Variants in GRIN2A observed in about 807,000 individuals in gnomAD.
GRIN2A encodes glutamate ionotropic receptor NMDA type subunit 2A.
In GRIN2A, 22 loss-of-function variants were observed where a neutral mutation model predicts 113.4. The observed-to-expected ratio is 0.19, with a 90% confidence interval of 0.14 to 0.28. GRIN2A has a LOEUF of 0.28. GRIN2A is among the 10% of genes least tolerant of loss of function. The probability of loss-of-function intolerance (pLI) is 1.00; values close to 1 mark genes in which losing one functional copy is unlikely to be tolerated. For synonymous variants in GRIN2A, 827 were observed against 738.4 expected (o/e 1.12, Z -1.94); for missense variants, 1,502 against 1,887.0 (o/e 0.80, Z 3.78).
At chr16:10,119,221 T>C (rs1350543250) in intron 2 of GRIN2A, among the ~76,000 whole-genome samples, 1 of 152,078 alleles carries the variant, frequency 6.6e-6, no homozygotes, top group Non-Finnish European at 1.5e-5. Context: ...CAGAATTCAG[T>C]AGGAGGAGGA....
intron 3 of GRIN2A, among the ~76,000 whole-genome samples, chr16:9,924,529 T>C (rs1030767212): frequency 2.6e-5 from 4 of 152,264 alleles, no homozygotes; most frequent in Non-Finnish European, 5.9e-5. Context: ...AATTTGATTA[T>C]GCTATGTCTT....
chr16:10,021,705 C>G (rs1178983994), intron 2 of GRIN2A, among the ~76,000 whole-genome samples: 1 of 151,962 alleles, frequency 6.6e-6, no homozygotes, highest in African/African-American at 2.4e-5. Flanking sequence ...AAAGCATATG[C>G]AAATGCCCCA....
intron 2 of GRIN2A, among the ~76,000 whole-genome samples, chr16:9,948,981 G>A (rs183067500): frequency 6.6e-6 from 1 of 152,222 alleles, no homozygotes; most frequent in Non-Finnish European, 1.5e-5. Flanking sequence ...ATTACCTGGA[G>A]GGGAGCTGGG....
rs16966429 is a variant in GRIN2A at position 9,828,288 on chromosome 16, A to G, written c.2007+1135T>C. Reference sequence around the variant, plus strand: ...TAAAGTGACCCTTACTCAAGCCTCAATCGGAAGCCATCAGAGAGAGGTGAG... The same window carrying G: ...TAAAGTGACCCTTACTCAAGCCTCAGTCGGAAGCCATCAGAGAGAGGTGAG... On this transcript the variant is annotated intron_variant, in intron 9 of 12. Coordinates refer to ENST00000330684, the MANE Select transcript of GRIN2A (RefSeq NM_001134407.3). Among the ~76,000 whole-genome samples, 428 of 152,334 alleles carry G rather than the reference A, an allele frequency of 2.8e-3. 4 individuals carry two copies. Among genetic ancestry groups the G allele is most frequent in the African/African-American group, 1.0e-2 (415 of 41,580 alleles).
At chr16:9,983,680 C>G (rs2045931123) in intron 2 of GRIN2A, among the ~76,000 whole-genome samples, 1 of 152,168 alleles carries the variant, frequency 6.6e-6, no homozygotes, top group Admixed American at 6.5e-5. Flanking sequence ...ACCTTGTGAT[C>G]CACCCGCCTT....
At chr16:10,024,283 GCAC>G (rs2046779707) in intron 2 of GRIN2A, among the ~76,000 whole-genome samples, 1 of 152,192 alleles carries the variant, frequency 6.6e-6, no homozygotes, top group Non-Finnish European at 1.5e-5. Flanking sequence ...GAGTGCAGTG[GCAC>G]CATCTTGGCT....
chr16:9,807,157 A>G (rs982434982), intron 10 of GRIN2A, among the ~76,000 whole-genome samples: 5 of 144,552 alleles, frequency 3.5e-5, no homozygotes, highest in African/African-American at 1.3e-4. Flanking sequence ...AGTATCGGGT[A>G]TGTCTTTATC....
chr16:10,111,633 G>C, intron 2 of GRIN2A: 1 of 1,493,502 alleles, frequency 6.7e-7, no homozygotes, highest in South Asian at 1.1e-5. Flanking sequence ...CGATGGCTCT[G>C]ATGGGAGGTA....
chr16:9,894,798 C>G (rs1352326919), intron 3 of GRIN2A, among the ~76,000 whole-genome samples: 1 of 152,178 alleles, frequency 6.6e-6, no homozygotes, highest in Admixed American at 6.5e-5. Context: ...AGATCATCAC[C>G]AAAGGGAAAT....
intron 10 of GRIN2A, among the ~76,000 whole-genome samples, chr16:9,800,245 G>A (rs1903279729): frequency 6.6e-6 from 1 of 152,136 alleles, no homozygotes; most frequent in Non-Finnish European, 1.5e-5. Context: ...AAAGTGCTGG[G>A]ATTACAGGTG....
chr16:9,994,256 G>T (rs2046180618), intron 2 of GRIN2A, among the ~76,000 whole-genome samples: 1 of 152,292 alleles, frequency 6.6e-6, no homozygotes, highest in Non-Finnish European at 1.5e-5. Flanking sequence ...AAGCCCATTT[G>T]TCAGTTCCTG....
intron 2 of GRIN2A, among the ~76,000 whole-genome samples, chr16:10,075,975 A>G (rs1317683559): frequency 6.6e-6 from 1 of 152,196 alleles, no homozygotes; most frequent in Non-Finnish European, 1.5e-5. Flanking sequence ...GACAGTGAGA[A>G]AATCCAAACC....
intron 4 of GRIN2A, among the ~76,000 whole-genome samples, chr16:9,889,750 G>T (rs1215625818): frequency 6.6e-6 from 1 of 152,054 alleles, no homozygotes; most frequent in Non-Finnish European, 1.5e-5. Flanking sequence ...CCAAATATTT[G>T]GAGATTTTCT....
At chr16:9,772,913 C>G (rs1046050049) in intron 11 of GRIN2A, among the ~76,000 whole-genome samples, 1 of 102,374 alleles carries the variant, frequency 9.8e-6, no homozygotes, top group Non-Finnish European at 1.9e-5. Context: ...GTAAAGCAGA[C>G]TTCAATTTCA....
At chr16:10,144,377 CGTT>C (rs905075851) in intron 2 of GRIN2A, among the ~76,000 whole-genome samples, 4 of 152,050 alleles carry the variant, frequency 2.6e-5, no homozygotes, top group Admixed American at 2.0e-4. Context: ...CACAGTCACT[CGTT>C]GTGGTTTTGT....
At chr16:10,087,722 C>A (rs949050321) in intron 2 of GRIN2A, among the ~76,000 whole-genome samples, 5 of 152,144 alleles carry the variant, frequency 3.3e-5, no homozygotes, top group African/African-American at 9.7e-5. Flanking sequence ...CAGGGTCTTA[C>A]TCTGTGACCC....
intron 3 of GRIN2A, among the ~76,000 whole-genome samples, chr16:9,910,534 G>C (rs35775355): frequency 0.23 from 31,333 of 138,644 alleles, 3,895 homozygotes; most frequent in Middle Eastern, 0.26. Context: ...AAGTCTCAGA[G>C]TTCTTTTTTT....
At chr16:9,969,744 T>C (rs1024999701) in intron 2 of GRIN2A, among the ~76,000 whole-genome samples, 4 of 152,210 alleles carry the variant, frequency 2.6e-5, no homozygotes, top group Admixed American at 6.5e-5. Flanking sequence ...GGAGGCAGGG[T>C]ATGACTGGCA....
At chr16:9,870,168 A>C (rs1220470174) in intron 4 of GRIN2A, among the ~76,000 whole-genome samples, 1 of 152,110 alleles carries the variant, frequency 6.6e-6, no homozygotes, top group Non-Finnish European at 1.5e-5. Flanking sequence ...TGTTATTTTC[A>C]CTCTACCAAT....
Sources: allele counts gnomAD v4.1 joint callset (sites outside exome capture counted in the v4.1 genomes callset), GRCh38; gene constraint gnomAD v4.1.1; transcripts MANE v1.5; gene names NCBI Gene and HGNC (gene_info 2026-07-23, HGNC 2026-07-21).